RNF20: variants seen among roughly 807,000 people sequenced by gnomAD.
RNF20 encodes the protein ring finger protein 20.
Under a neutral mutation model 126.2 loss-of-function variants are expected in RNF20, and 84 were observed. The ratio of observed to expected loss-of-function variants is 0.67; its 90% CI spans 0.56 to 0.80. The LOEUF (loss-of-function observed/expected upper bound fraction) is 0.80. RNF20 is among the 30% of genes least tolerant of loss of function. RNF20 has a pLI of 0.00. For missense variants in RNF20, 869 were observed against 1,188.2 expected, an observed-to-expected ratio of 0.73 and a Z score of 3.95; for synonymous variants, 400 against 414.3, an observed-to-expected ratio of 0.97 and a Z score of 0.42.
chr9:101,555,617 A>G (rs573722629), intron 15 of RNF20, among the ~76,000 whole-genome samples: 85 of 152,262 alleles, frequency 5.6e-4, no homozygotes, highest in Non-Finnish European at 1.1e-3. Flanking sequence ...CCTTGAAAAG[A>G]AGAACTTCAT....
intron 2 of RNF20, among the ~76,000 whole-genome samples, chr9:101,536,691 A>T (rs1471380098): frequency 6.6e-6 from 1 of 152,228 alleles, no homozygotes; most frequent in Non-Finnish European, 1.5e-5. Context: ...GGTAGCACTG[A>T]CAAGGGAATA....
chr9:101,555,789 TAAAA>T (rs770343625), intron 15 of RNF20, among the ~76,000 whole-genome samples: 2 of 133,592 alleles, frequency 1.5e-5, no homozygotes, highest in African/African-American at 5.5e-5. Flanking sequence ...CCATCACTAT[TAAAA>T]AAAAAAAAAA....
intron 10 of RNF20, among the ~76,000 whole-genome samples, chr9:101,551,178 A>AT (rs1827438651): frequency 6.6e-6 from 1 of 152,202 alleles, no homozygotes; most frequent in Non-Finnish European, 1.5e-5. Flanking sequence ...CGGCATGAGA[A>AT]CAGCACATAT....
intron 5 of RNF20, among the ~76,000 whole-genome samples, chr9:101,543,015 A>G (rs1437762146): frequency 6.6e-6 from 1 of 152,222 alleles, no homozygotes; most frequent in Non-Finnish European, 1.5e-5. Context: ...TTCCTAGGAC[A>G]TCATCAATAC....
chr9:101,553,486 G>A (rs1827481817), intron 13 of RNF20, among the ~76,000 whole-genome samples: 1 of 152,170 alleles, frequency 6.6e-6, no homozygotes, highest in Admixed American at 6.5e-5. Context: ...GTCTTTGGCT[G>A]ATGGTTAATC....
rs368721473 is a variant in RNF20 at position 101,550,616 on chromosome 9, G to A, written c.1103G>A (p.Arg368Gln). The A allele has an allele frequency of 3.0e-5, 49 of 1,613,702 alleles. No homozygotes were observed. Among genetic ancestry groups the A allele is most frequent in the Admixed American group, 3.3e-5 (2 of 59,968 alleles). ...TTGGGCCCTCCTAAGGTGGAATTGC[G>A]GAGTGCAGTGGAGCAAGTCGTTAAG... is the stretch of plus-strand genomic sequence containing the variant. ...TQNEKLKVEL[R>Q]SAVEQVVKET... The change falls in exon 10 of 20, where the codon CGG (arginine) becomes CAG (glutamine). Residue 368 changes from arginine (R) to glutamine (Q), a missense_variant. This residue lies in a region of RNF20 where 153 missense variants were observed against 226.4 expected (regional missense o/e 0.68). Transcript: ENST00000389120.
chr9:101,547,566 C>G (rs754464073), intron 9 of RNF20, 48 bp downstream of exon 9: 2 of 1,608,426 alleles, frequency 1.2e-6, no homozygotes, highest in Non-Finnish European at 1.7e-6. Flanking sequence ...TTCTGCTGAT[C>G]AACTCACGTA....
At position 101,562,016 on chromosome 9, in the gene RNF20, G is replaced by C; in HGVS notation, c.2751+5G>C. 6.3e-7 allele frequency: 1 copy of C among 1,583,912 alleles called. No homozygotes were observed. The highest frequency in any genetic ancestry group is 8.6e-7 in the Non-Finnish European group (1 of 1,161,058). Reference sequence around the variant, plus strand: ...GAAGAGATTAAGGATTACAAGGTTAGAAAAAATGCCTTAGTGATTAGTTTT... The same window carrying C: ...GAAGAGATTAAGGATTACAAGGTTACAAAAAATGCCTTAGTGATTAGTTTT... On this transcript the variant is annotated splice_donor_5th_base_variant and intron_variant, in intron 19 of 19. Transcript: ENST00000389120.
At position 101,560,916 on chromosome 9, in the gene RNF20, A is replaced by G; in HGVS notation, c.2498A>G (p.Asn833Ser). 7 of 1,611,888 alleles carry G rather than the reference A, an allele frequency of 4.3e-6. No homozygotes were observed. The highest frequency in any genetic ancestry group is 2.2e-5 in the East Asian group (1 of 44,864). ...LGLRTQALEMNKRKAMEAAQL... is the reference protein window; with the variant it reads ...LGLRTQALEMSKRKAMEAAQL... ...CTTAGGACCCAAGCCTTAGAGATGA[A>G]TAAACGCAAGGTATGATTGATTAAT... is the stretch of plus-strand genomic sequence containing the variant. Residue 833 changes from asparagine (N) to serine (S), a missense_variant, in exon 17 of 20, where the codon AAT becomes AGT. Asn to Ser is a conservative substitution (Grantham distance 46). Transcript: ENST00000389120.
At chr9:101,548,760 GC>G in intron 9 of RNF20, among the ~76,000 whole-genome samples, 1 of 152,294 alleles carries the variant, frequency 6.6e-6, no homozygotes, top group South Asian at 2.1e-4. Flanking sequence ...AAATCAAGGT[GC>G]TGTAATGTAG....
At chr9:101,551,028 G>A (rs1410447535) in intron 10 of RNF20, among the ~76,000 whole-genome samples, 1 of 152,182 alleles carries the variant, frequency 6.6e-6, no homozygotes. Flanking sequence ...TGGTACAATG[G>A]CAGCATAGCC....
chr9:101,554,869 G>T, intron 15 of RNF20, 26 bp downstream of exon 15: 1 of 1,378,822 alleles, frequency 7.3e-7, no homozygotes, highest in South Asian at 2.0e-5. Flanking sequence ...TTATTTAATT[G>T]ACTTTTTGAG....
rs111954762 is a variant in RNF20 at position 101,557,206 on chromosome 9, T to C, written c.2170-178T>C. 2.1e-3 allele frequency among the ~76,000 whole-genome samples: 320 copies of C among 152,328 alleles called. 2 individuals are homozygous for C. The highest frequency in any genetic ancestry group is 6.9e-3 in the African/African-American group (289 of 41,586). On this transcript the variant is annotated intron_variant, in intron 15 of 19. Coordinates refer to ENST00000389120, the MANE Select transcript of RNF20 (RefSeq NM_019592.7). ...TAATAAGTATCAGACCAACAATTGG[T>C]GCCAGTGACTTCAGATAATAGAGCT...
Position 101,562,238 on chromosome 9 carries a change from CT to C in RNF20, c.2752-3del. On this transcript the variant is annotated splice_region_variant and splice_polypyrimidine_tract_variant and intron_variant, in intron 19 of 19. Transcript: ENST00000389120. ...GGTTGTTCAAACTCTGACATCTTTT[CT>C]TTTTAGGCACGCTTGACCTGTCCGT... 6.2e-7 allele frequency: 1 copy of C among 1,606,240 alleles called. No homozygotes were observed. Among genetic ancestry groups the C allele is most frequent in the Non-Finnish European group, 8.5e-7 (1 of 1,174,682 alleles).
At chr9:101,550,870 CTCAT>C in intron 10 of RNF20, 85 bp downstream of exon 10, 1 of 1,168,956 alleles carries the variant, frequency 8.6e-7, no homozygotes, top group South Asian at 1.2e-5. Flanking sequence ...CAATTAATCT[CTCAT>C]TCATTCAGCT....
chr9:101,539,921 T>C (rs1478587224), intron 2 of RNF20, among the ~76,000 whole-genome samples: 4 of 151,786 alleles, frequency 2.6e-5, no homozygotes, highest in Admixed American at 2.6e-4. Flanking sequence ...TCTAGCTGGA[T>C]GGTGGCCTTA....
At position 101,540,787 on chromosome 9, in the gene RNF20, C is replaced by G. The variant is rs774289110; in HGVS notation, c.446-6C>G. ...GGGGCTTCTTTTTTTCCCCCTGTGT[C>G]CTCAGGGGAAGGGCAAGAGCCAGCT... On this transcript the variant is annotated splice_polypyrimidine_tract_variant and splice_region_variant and intron_variant, in intron 4 of 19. Transcript: ENST00000389120. 6.2e-7 allele frequency: 1 copy of G among 1,612,526 alleles called. No homozygotes were observed. Among genetic ancestry groups the G allele is most frequent in the Admixed American group, 1.7e-5 (1 of 59,884 alleles).
At chr9:101,562,169 T>C (rs1827637887) in intron 19 of RNF20, 77 bp from the exon 20 acceptor site, 2 of 1,472,652 alleles carry the variant, frequency 1.4e-6, no homozygotes, top group Non-Finnish European at 1.8e-6. Context: ...GTTTTCTTCT[T>C]GGTTGTGTAG....
At chr9:101,534,137 C>T (rs1295666454) in intron 1 of RNF20, 2 of 152,160 alleles carry the variant, frequency 1.3e-5, no homozygotes, top group African/African-American at 4.8e-5. Flanking sequence ...TGTGTCTTCT[C>T]TCTCCAGGCG....
Sources: gnomAD v4.1 joint callset for allele counts (sites outside exome capture counted in the v4.1 genomes callset) on GRCh38, gnomAD v4.1.1 for gene constraint, gnomAD v4.1.1 regional missense constraint, MANE v1.5 for transcripts, NCBI Gene and HGNC (gene_info 2026-07-23, HGNC 2026-07-21) for gene names.